LAMA2: variants seen among roughly 807,000 people sequenced by gnomAD.
The protein encoded by LAMA2 is laminin subunit alpha-2.
Under a neutral mutation model 364.8 loss-of-function variants are expected in LAMA2, and 269 were observed. That is an observed-to-expected ratio of 0.74 (90% CI 0.67 to 0.82). The LOEUF (loss-of-function observed/expected upper bound fraction) is 0.82, where lower values mean the gene tolerates loss of function less well. LAMA2 is among the 40% of genes least tolerant of loss of function. LAMA2 has a pLI of 0.00. For missense variants in LAMA2, 3,807 were observed against 3,873.2 expected (o/e 0.98, Z 0.45); for synonymous variants, 1,379 against 1,370.6 (o/e 1.01, Z -0.14).
At chr6:129,190,377 C>G in intron 11 of LAMA2, 32 bp downstream of exon 11, 1 of 1,606,908 alleles carries the variant, frequency 6.2e-7, no homozygotes, top group Non-Finnish European at 8.5e-7. Context: ...CTGTTTGCTG[C>G]CCCAGCAGCC....
intron 3 of LAMA2, among the ~76,000 whole-genome samples, chr6:129,077,829 A>C (rs1181061425): frequency 6.6e-6 from 1 of 152,146 alleles, no homozygotes; most frequent in Non-Finnish European, 1.5e-5. Flanking sequence ...TCAAGACACT[A>C]TTTCTCACTT....
At chr6:129,367,842 A>G (rs548686649) in intron 33 of LAMA2, among the ~76,000 whole-genome samples, 87 of 152,328 alleles carry the variant, frequency 5.7e-4, no homozygotes, top group Non-Finnish European at 2.2e-4. Context: ...CATGGTCTGA[A>G]TATTTACATC....
rs140758701 is a variant in LAMA2, at chr6:129,257,789, T to G, written c.2097-2922T>G. On this transcript the variant is annotated intron_variant, in intron 14 of 64. Coordinates refer to ENST00000421865, the MANE Select transcript of LAMA2 (RefSeq NM_000426.4). Reference sequence around the variant, plus strand: ...GCGAGTTCTGGTCTCTGGCCTCAAGTTCTAATGATAACAGTTTCCATTTAT... The same window carrying G: ...GCGAGTTCTGGTCTCTGGCCTCAAGGTCTAATGATAACAGTTTCCATTTAT... 4.8e-4 allele frequency among the ~76,000 whole-genome samples: 73 copies of G among 152,240 alleles called. No individual in the cohort carries two copies. In the South Asian group the frequency reaches 5.2e-3, roughly 11 times the overall value.
At chr6:129,437,877 G>T (rs2114759628) in intron 41 of LAMA2, among the ~76,000 whole-genome samples, 1 of 151,438 alleles carries the variant, frequency 6.6e-6, no homozygotes, top group South Asian at 2.1e-4. Context: ...TTATATTGTT[G>T]TACTCGAATT....
At chr6:129,487,956 T>TAA (rs1321767693) in intron 56 of LAMA2, among the ~76,000 whole-genome samples, 1 of 152,228 alleles carries the variant, frequency 6.6e-6, no homozygotes, top group East Asian at 1.9e-4. Flanking sequence ...TCTTCTAGAT[T>TAA]AGATGTTAGG....
intron 12 of LAMA2, among the ~76,000 whole-genome samples, chr6:129,215,874 C>G (rs1202108859): frequency 6.6e-6 from 1 of 152,144 alleles, no homozygotes; most frequent in African/African-American, 2.4e-5. Flanking sequence ...GATTATATAA[C>G]AGATCCCACT....
intron 20 of LAMA2, among the ~76,000 whole-genome samples, chr6:129,296,245 T>C (rs1773171788): frequency 6.6e-6 from 1 of 152,054 alleles, no homozygotes; most frequent in Admixed American, 6.5e-5. Context: ...GCTTTAATAA[T>C]ATTCCAATTT....
At chr6:129,202,868 A>C (rs1782393571) in intron 12 of LAMA2, among the ~76,000 whole-genome samples, 1 of 152,230 alleles carries the variant, frequency 6.6e-6, no homozygotes. Flanking sequence ...AAAGTTCTTC[A>C]GGCAAAAGAA....
At chr6:129,126,503 T>C (rs536388954) in intron 4 of LAMA2, among the ~76,000 whole-genome samples, 1 of 152,252 alleles carries the variant, frequency 6.6e-6, no homozygotes, top group East Asian at 1.9e-4. Flanking sequence ...TGAAGCAGAA[T>C]GGTTCATTTT....
At chr6:129,059,692 T>G in intron 2 of LAMA2, 92 bp from the exon 3 acceptor site, 2 of 769,534 alleles carry the variant, frequency 2.6e-6, no homozygotes, top group Non-Finnish European at 4.5e-6. Context: ...TGATGGTTGT[T>G]TTAACCATTT....
At chr6:129,036,469 A>G (rs1786647155) in intron 1 of LAMA2, among the ~76,000 whole-genome samples, 1 of 152,200 alleles carries the variant, frequency 6.6e-6, no homozygotes, top group South Asian at 2.1e-4. Flanking sequence ...GTATTCTATA[A>G]ACATGCCTAA....
chr6:129,248,713 A>G (rs939769972), intron 12 of LAMA2, among the ~76,000 whole-genome samples: 1 of 152,298 alleles, frequency 6.6e-6, no homozygotes, highest in Middle Eastern at 3.4e-3. Flanking sequence ...TCCTTGTTTG[A>G]AATATATACA....
chr6:128,981,529 G>A (rs564153983), intron 1 of LAMA2, among the ~76,000 whole-genome samples: 1 of 149,528 alleles, frequency 6.7e-6, no homozygotes, highest in South Asian at 2.1e-4. Context: ...GATCACTTGA[G>A]CTCAGGAGTT....
At chr6:129,172,041 C>T (rs1337491899) in intron 9 of LAMA2, among the ~76,000 whole-genome samples, 7 of 139,266 alleles carry the variant, frequency 5.0e-5, no homozygotes, top group Middle Eastern at 7.1e-3. Flanking sequence ...CCTTTAAGCA[C>T]TTCTCTGTAT....
intron 32 of LAMA2, among the ~76,000 whole-genome samples, chr6:129,361,541 T>C (rs764590660): frequency 3.3e-5 from 5 of 152,210 alleles, no homozygotes; most frequent in South Asian, 2.1e-4. Context: ...CAAGCCCAAA[T>C]TGGGGCCTCA....
chr6:129,171,962 C>A (rs9492257), intron 9 of LAMA2, among the ~76,000 whole-genome samples: 1 of 122,250 alleles, frequency 8.2e-6, no homozygotes, highest in Non-Finnish European at 1.7e-5. Flanking sequence ...TCCAGTTGAT[C>A]GCATCGGCTC....
chr6:129,364,548 A>AT (rs1245675685), intron 32 of LAMA2, among the ~76,000 whole-genome samples: 1 of 152,194 alleles, frequency 6.6e-6, no homozygotes, highest in Non-Finnish European at 1.5e-5. Flanking sequence ...AAAAATATAC[A>AT]TGTTTTTTAA....
Position 129,492,091 on chromosome 6 carries a change from C to T in LAMA2, c.8075+14C>T. The T allele has an allele frequency of 1.9e-6, 3 of 1,603,620 alleles. No individual in the cohort carries two copies. Among genetic ancestry groups the T allele is most frequent in the Non-Finnish European group, 1.7e-6 (2 of 1,170,576 alleles). On this transcript the variant is annotated intron_variant, in intron 57 of 64. Transcript: ENST00000421865. ...TATTAACTCTGTGTAAGTGGATCTC[C>T]TCATTACTACTACTAATTTTTTATT...
chr6:128,991,645 C>A (rs563447157), intron 1 of LAMA2, among the ~76,000 whole-genome samples: 1 of 152,234 alleles, frequency 6.6e-6, no homozygotes, highest in Non-Finnish European at 1.5e-5. Flanking sequence ...TGGCTAACTT[C>A]TTTAGGAACC....
Sources: gnomAD v4.1 joint callset for allele counts (sites outside exome capture counted in the v4.1 genomes callset) on GRCh38, gnomAD v4.1.1 for gene constraint, MANE v1.5 for transcripts, NCBI Gene and HGNC (gene_info 2026-07-23, HGNC 2026-07-21) for gene names.